NRG1: variants seen among roughly 807,000 people sequenced by gnomAD.
The protein encoded by NRG1 is pro-neuregulin-1, membrane-bound isoform.
In NRG1, 18 loss-of-function variants were observed where a neutral mutation model predicts 63.8. The observed-to-expected ratio is 0.28, with a 90% CI of 0.19 to 0.42. The LOEUF is 0.42. Ranked by LOEUF, NRG1 falls within the 10% of genes least tolerant of loss-of-function variation. The probability of loss-of-function intolerance (pLI) is 1.00; values close to 1 mark genes in which losing one functional copy is unlikely to be tolerated. For missense variants in NRG1, 762 were observed against 814.7 expected (o/e 0.94, Z 0.79); for synonymous variants, 302 against 301.3 (o/e 1.00, Z -0.02).
intron 1 of NRG1, among the ~76,000 whole-genome samples, chr8:31,716,354 T>C (rs912238540): frequency 3.9e-5 from 6 of 152,256 alleles, no homozygotes; most frequent in African/African-American, 1.4e-4. Flanking sequence ...TATGTTGATA[T>C]CTACAGTGCT....
At chr8:31,870,325 T>A (rs1284619327) in intron 1 of NRG1, among the ~76,000 whole-genome samples, 1 of 152,124 alleles carries the variant, frequency 6.6e-6, no homozygotes, top group African/African-American at 2.4e-5. Flanking sequence ...AATTATGAGA[T>A]AGGTGTGATA....
intron 1 of NRG1, among the ~76,000 whole-genome samples, chr8:31,772,381 G>C (rs749643192): frequency 1.2e-4 from 18 of 152,260 alleles, no homozygotes; most frequent in South Asian, 4.1e-4. Context: ...GGCTCCATCT[G>C]TTTTGACTGT....
chr8:32,407,826 TA>T (rs1391541677), intron 1 of NRG1, among the ~76,000 whole-genome samples: 1 of 152,162 alleles, frequency 6.6e-6, no homozygotes, highest in Non-Finnish European at 1.5e-5. Context: ...AAAATCAAAA[TA>T]TGCCTGTAGC....
At chr8:32,113,202 G>T (rs577981286) in intron 1 of NRG1, among the ~76,000 whole-genome samples, 1 of 152,248 alleles carries the variant, frequency 6.6e-6, no homozygotes, top group Admixed American at 6.5e-5. Context: ...AATGGCATTT[G>T]CACTGGCTGC....
chr8:32,571,015 G>T (rs1279237571), intron 1 of NRG1, among the ~76,000 whole-genome samples: 1 of 152,198 alleles, frequency 6.6e-6, no homozygotes, highest in African/African-American at 2.4e-5. Context: ...TGGGCAACAT[G>T]TATATAGATG....
At chr8:32,202,854 G>C (rs1417080210) in intron 1 of NRG1, among the ~76,000 whole-genome samples, 1 of 150,890 alleles carries the variant, frequency 6.6e-6, no homozygotes, top group Non-Finnish European at 1.5e-5. Flanking sequence ...TATATGGATG[G>C]GCACACGATA....
At chr8:32,036,375 T>C (rs1819061015) in intron 1 of NRG1, among the ~76,000 whole-genome samples, 1 of 152,166 alleles carries the variant, frequency 6.6e-6, no homozygotes, top group African/African-American at 2.4e-5. Context: ...TTTTCTTCAT[T>C]TTGACATTGA....
At position 31,640,277 on chromosome 8, in the gene NRG1, A is replaced by G; in HGVS notation, c.37+846A>G. 1 of 1,132,968 alleles carries G rather than the reference A, an allele frequency of 8.8e-7. No homozygotes were observed. Among genetic ancestry groups the G allele is most frequent in the Non-Finnish European group, 1.1e-6 (1 of 925,006 alleles). The allele number at this position is 1,132,968 out of a possible 1,614,324, so 70.2% of individuals were successfully genotyped here. A position where few individuals can be genotyped will look rare whatever the true frequency, so the allele number is the denominator to read the frequency against. ...CAGCGGCGGCAGCAGGGGGCACTCGACAGGAAGGCGGCGGCGGCGGCGGGC... is the reference window on the plus strand; with the variant it reads ...CAGCGGCGGCAGCAGGGGGCACTCGGCAGGAAGGCGGCGGCGGCGGCGGGC... On this transcript the variant is annotated intron_variant, in intron 1 of 10. Transcript: ENST00000519301. This position sits in a 1 kb window ranked among gnomAD's most constrained non-coding sequence, Gnocchi z 6.3.
intron 1 of NRG1, among the ~76,000 whole-genome samples, chr8:32,127,586 C>G (rs1563817583): frequency 6.7e-6 from 1 of 149,638 alleles, no homozygotes; most frequent in Non-Finnish European, 1.5e-5. Context: ...ATGAGGAGAT[C>G]TTGGTCTTCC....
chr8:32,239,653 C>T (rs1847914599), intron 1 of NRG1, among the ~76,000 whole-genome samples: 1 of 151,966 alleles, frequency 6.6e-6, no homozygotes, highest in South Asian at 2.1e-4. Context: ...ATTTGCCAAC[C>T]ACATATTCAA....
intron 5 of NRG1, among the ~76,000 whole-genome samples, chr8:32,670,926 T>C (rs527401179): frequency 6.6e-6 from 1 of 152,262 alleles, no homozygotes; most frequent in African/African-American, 2.4e-5. Flanking sequence ...TTATGATTTG[T>C]CAGTTAAAAA....
chr8:31,997,192 T>A (rs567297415), intron 1 of NRG1, among the ~76,000 whole-genome samples: 1 of 151,604 alleles, frequency 6.6e-6, no homozygotes, highest in Non-Finnish European at 1.5e-5. Context: ...ACCTTTTTTT[T>A]TTTTTTTTTT....
intron 1 of NRG1, among the ~76,000 whole-genome samples, chr8:32,079,094 T>C (rs1241315445): frequency 6.6e-6 from 1 of 151,520 alleles, no homozygotes; most frequent in Non-Finnish European, 1.5e-5. Context: ...GTTATGCTGA[T>C]TGGAACTAGG....
chr8:31,853,145 A>T lies in NRG1; in HGVS notation c.37+213714A>T, dbSNP rs531641331. On this transcript the variant is annotated intron_variant, in intron 1 of 10. Coordinates refer to the NRG1 transcript ENST00000519301. ...TAAAGTAGTTTTTTTCAATTCTGTG[A>T]AGAAAGTCATTGATAGCTTGATGGG... 3.3e-5 allele frequency among the ~76,000 whole-genome samples: 5 copies of T among 152,248 alleles called. No homozygotes were observed. In the South Asian group the frequency reaches 1.0e-3, roughly 32 times the overall value.
chr8:31,758,536 T>C (rs60885219), intron 1 of NRG1, among the ~76,000 whole-genome samples: 2,328 of 151,872 alleles, frequency 0.015, 64 homozygotes, highest in African/African-American at 0.054. Flanking sequence ...TGTGCAGCCA[T>C]AAAAAAGGAT....
intron 1 of NRG1, among the ~76,000 whole-genome samples, chr8:31,994,257 G>T (rs1243707699): frequency 1.3e-5 from 2 of 151,924 alleles, no homozygotes; most frequent in Non-Finnish European, 1.5e-5. Flanking sequence ...GGAACCCAAT[G>T]GATGGACACT....
intron 1 of NRG1, among the ~76,000 whole-genome samples, chr8:32,170,972 T>C (rs1398928926): frequency 6.6e-6 from 1 of 152,214 alleles, no homozygotes; most frequent in Admixed American, 6.5e-5. Context: ...CTGTCTCTTG[T>C]GTTCCACAAT....
intron 1 of NRG1, among the ~76,000 whole-genome samples, chr8:31,923,778 G>A (rs1834108936): frequency 6.6e-6 from 1 of 151,674 alleles, no homozygotes; most frequent in Non-Finnish European, 1.5e-5. Flanking sequence ...TTTGCATTAT[G>A]GTGAAGGCAG....
In NRG1 at chr8:32,466,029, T is replaced by C. The variant is rs761986299; in HGVS notation, c.38-129799T>C. 9.3e-4 allele frequency among the ~76,000 whole-genome samples: 142 copies of C among 152,248 alleles called. 1 individual carries two copies. The highest frequency in any genetic ancestry group is 5.4e-3 in the Admixed American group (83 of 15,280). ...CTTGATACTTCTATATGTTCAAAAC[T>C]TTCATTAATGAGCCTGTAATACCAG... On this transcript the variant is annotated intron_variant, in intron 1 of 10. Transcript: ENST00000519301.
Sources: allele counts gnomAD v4.1 joint callset (sites outside exome capture counted in the v4.1 genomes callset), GRCh38; gene constraint gnomAD v4.1.1; non-coding constraint Gnocchi (gnomAD v3.1); transcripts MANE v1.5; gene names NCBI Gene and HGNC (gene_info 2026-07-23, HGNC 2026-07-21).